Variants in C10orf105 observed in about 807,000 individuals in gnomAD.
The protein encoded by C10orf105 is uncharacterized protein C10orf105.
Under a neutral mutation model 0.6 loss-of-function variants are expected in C10orf105, and 2 were observed. The ratio of observed to expected loss-of-function variants is 3.18; its 90% CI spans 1.30 to 10.01. The LOEUF (loss-of-function observed/expected upper bound fraction) is 10.01, where lower values mean the gene tolerates loss of function less well. Among genes scored for constraint, C10orf105 ranks in the 30% most tolerant of loss-of-function variants. The pLI, the probability that C10orf105 is intolerant of heterozygous loss-of-function variation, is 0.04. For synonymous variants in C10orf105, 95 were observed against 82.4 expected, an observed-to-expected ratio of 1.15 and a Z score of -0.83; for missense variants, 209 against 191.4, an observed-to-expected ratio of 1.09 and a Z score of -0.54.
chr10:71,732,309 C>G (rs1197460691), intron 1 of C10orf105: 1 of 1,609,842 alleles, frequency 6.2e-7, no homozygotes, highest in Non-Finnish European at 8.5e-7. Flanking sequence ...TCAACCAAAT[C>G]ACGTACCGCT....
rs2132770106 is a variant in C10orf105, at chr10:71,716,096, C to G, written c.242G>C (p.Ser81Thr). The change falls in exon 2 of 2, where the codon AGC becomes ACC. Residue 81 changes from serine to threonine, a missense_variant. Ser to Thr is a moderately conservative substitution (Grantham distance 58). Coordinates refer to ENST00000441508, the MANE Select transcript of C10orf105 (RefSeq NM_001164375.3). ...GAGCCGGAGCTGGGGCTCACTGGGG[C>G]TCCCAGGGTGGTGGGGCATGCACTC... ...AHECMPHHPG[S>T]PSEPQLRLWK... 2.6e-6 allele frequency: 4 copies of G among 1,534,704 alleles called. No individual in the cohort carries two copies. The highest frequency in any genetic ancestry group is 3.5e-6 in the Non-Finnish European group (4 of 1,137,400).
At chr10:71,727,233 G>A (rs1436261104) in intron 1 of C10orf105, among the ~76,000 whole-genome samples, 5 of 152,220 alleles carry the variant, frequency 3.3e-5, no homozygotes, top group Non-Finnish European at 5.9e-5. Context: ...GTCACACAGC[G>A]GTAAGGGTGG....
chr10:71,714,662 G>A lies in C10orf105; in HGVS notation c.*1274C>T, dbSNP rs563233593. The A allele has an allele frequency of 3.0e-4, 45 of 152,378 alleles. No homozygotes were observed. Among genetic ancestry groups the A allele is most frequent in the African/African-American group, 8.2e-4 (34 of 41,580 alleles). The allele number at this position is 152,378 out of a possible 1,614,324, so 9.4% of individuals were successfully genotyped here. A position where few individuals can be genotyped will look rare whatever the true frequency, so the allele number is the denominator to read the frequency against. On this transcript the variant is annotated 3_prime_UTR_variant, in exon 2 of 2. Transcript: ENST00000441508. ...GCTCCCAGAGGGCACTGCACACTGCGCTGAGGAGCTTTGGCTATATCCATT... is the reference window on the plus strand; with the variant it reads ...GCTCCCAGAGGGCACTGCACACTGCACTGAGGAGCTTTGGCTATATCCATT...
At position 71,713,085 on chromosome 10, in the gene C10orf105, C is replaced by T. The variant is rs771949874; in HGVS notation, c.*2851G>A. ...GGCCTCCCCCTGCATATCTCCCGCC[C>T]CACCCAGAAGGGCCTTTCAGAGTAG... On this transcript the variant is annotated 3_prime_UTR_variant, in exon 2 of 2. Coordinates refer to ENST00000441508, the MANE Select transcript of C10orf105 (RefSeq NM_001164375.3). 1.3e-6 allele frequency: 1 copy of T among 758,172 alleles called. No homozygotes were observed. Among genetic ancestry groups the T allele is most frequent in the South Asian group, 1.4e-5 (1 of 71,220 alleles). 47.0% of individuals were successfully genotyped at this position (758,172 alleles called of 1,614,324 possible).
At chr10:71,737,689 C>CA in intron 1 of C10orf105, 1 of 470,006 alleles carries the variant, frequency 2.1e-6, no homozygotes, top group South Asian at 1.5e-5. Context: ...TGAGCTCCTC[C>CA]AACCCCCCTC....
rs369188108 is a variant in C10orf105 at position 71,734,251 on chromosome 10, A to G, written c.-6+3477T>C. 2.5e-6 allele frequency: 4 copies of G among 1,610,464 alleles called. No homozygotes were observed. In the African/African-American group the frequency reaches 5.3e-5, roughly 22 times the overall value. Reference sequence around the variant, plus strand: ...CCCCTTCCCTGCAGGGTGTGATCACAGTCCAGGGCCTGGTGGACCGTGAGA... The same window carrying G: ...CCCCTTCCCTGCAGGGTGTGATCACGGTCCAGGGCCTGGTGGACCGTGAGA... On this transcript the variant is annotated intron_variant, in intron 1 of 1. Transcript: ENST00000398786.
chr10:71,727,089 G>A (rs187057320), intron 1 of C10orf105, among the ~76,000 whole-genome samples: 2 of 152,300 alleles, frequency 1.3e-5, no homozygotes, highest in South Asian at 2.1e-4. Flanking sequence ...ACACGTGCCC[G>A]ATATTTTTCT....
At position 71,725,533 on chromosome 10, in the gene C10orf105, G is replaced by A. The variant is rs374933461; in HGVS notation, c.-5-9191C>T. The A allele has an allele frequency of 3.7e-6, 6 of 1,609,776 alleles. No individual in the cohort carries two copies. Among genetic ancestry groups the A allele is most frequent in the Non-Finnish European group, 5.1e-6 (6 of 1,177,844 alleles). On this transcript the variant is annotated intron_variant, in intron 1 of 1. Transcript: ENST00000398786. ...GAGCTCCGTCAGGGTGAGGCTAGGG[G>A]CGGGCTGGGGTGCTGACCTCAGGAC...
rs1866201235 is a variant in C10orf105, at chr10:71,715,964, C to T, written c.374G>A (p.Cys125Tyr). 2.7e-6 allele frequency: 4 copies of T among 1,481,548 alleles called. No homozygotes were observed. The highest frequency in any genetic ancestry group is 3.6e-6 in the Non-Finnish European group (4 of 1,116,756). 91.8% of individuals were successfully genotyped at this position (1,481,548 alleles called of 1,614,324 possible). Residue 125 changes from cysteine (C) to tyrosine (Y), a missense_variant, in exon 2 of 2, where the codon TGT (cysteine) becomes TAT (tyrosine). Physicochemically the swap from Cys to Tyr is radical, Grantham distance 194. Coordinates refer to ENST00000441508, the MANE Select transcript of C10orf105 (RefSeq NM_001164375.3). ...LPGPEDNRSHCDYMESTKM is the reference protein window; with the variant it reads ...LPGPEDNRSHYDYMESTKM ...CATCTTGGTAGATTCCATGTAGTCACAGTGGCTGCGGTTGTCCTCGGGGCC... is the reference window on the plus strand; with the variant it reads ...CATCTTGGTAGATTCCATGTAGTCATAGTGGCTGCGGTTGTCCTCGGGGCC...
chr10:71,725,057 G>A (rs1564759229), intron 1 of C10orf105, among the ~76,000 whole-genome samples: 1 of 152,224 alleles, frequency 6.6e-6, no homozygotes, highest in Non-Finnish European at 1.5e-5. Flanking sequence ...ACATCTGTGG[G>A]TGTAGGAGCA....
At chr10:71,727,939 CAG>C (rs1739836323) in intron 1 of C10orf105, among the ~76,000 whole-genome samples, 1 of 152,176 alleles carries the variant, frequency 6.6e-6, no homozygotes, top group Non-Finnish European at 1.5e-5. Flanking sequence ...CTGCTAAAAA[CAG>C]GCTGAAACCG....
intron 1 of C10orf105, among the ~76,000 whole-genome samples, chr10:71,731,031 C>T (rs533359995): frequency 6.6e-6 from 1 of 152,378 alleles, no homozygotes; most frequent in South Asian, 2.1e-4. Flanking sequence ...ACCCCCTGAC[C>T]CTGTACAAGG....
At chr10:71,732,085 G>A in intron 1 of C10orf105, 1 of 1,613,998 alleles carries the variant, frequency 6.2e-7, no homozygotes. Context: ...GAATTACCTG[G>A]ACTACGAGAC....
rs1401811891 is a variant in C10orf105, at chr10:71,716,115, T to C, written c.223A>G (p.Met75Val). The change falls in exon 2 of 2, where the codon ATG becomes GTG. Residue 75 changes from methionine (M) to valine (V), a missense_variant. Coordinates refer to ENST00000441508, the MANE Select transcript of C10orf105 (RefSeq NM_001164375.3). ...DPSRRRAHEC[M>V]PHHPGSPSEP... ...CTGGGGCTCCCAGGGTGGTGGGGCA[T>C]GCACTCGTGAGCCCTGCGGCGGCTC... 4 of 1,547,484 alleles carry C rather than the reference T, an allele frequency of 2.6e-6. No homozygotes were observed. Among genetic ancestry groups the C allele is most frequent in the South Asian group, 2.4e-5 (2 of 83,624 alleles).
intron 1 of C10orf105, among the ~76,000 whole-genome samples, chr10:71,729,146 C>T (rs779542857): frequency 3.3e-5 from 5 of 152,164 alleles, no homozygotes; most frequent in Non-Finnish European, 7.3e-5. Flanking sequence ...CCATAAACAC[C>T]TTTTAAACTG....
rs1368765703 is a variant in C10orf105 at position 71,716,206 on chromosome 10, G to T, written c.132C>A (p.Cys44Ter). The change falls in exon 2 of 2, where the codon TGC (cysteine) becomes TGA (stop). Residue 44 changes from cysteine (C) to a stop codon, truncating the protein, a stop_gained. Transcript: ENST00000441508. LOFTEE classifies it high-confidence loss of function. ...GACAGGTGGCCAGCAGGAGGAAGAT[G>T]CAGGCCAGGGCGATGAGCATGGGGA... Reference protein sequence around the residue: ...DPLPMLIALACIFLLLATCLL... With the variant: ...DPLPMLIALA The T allele has an allele frequency of 3.2e-6, 5 of 1,551,062 alleles. No homozygotes were observed. The highest frequency in any genetic ancestry group is 4.4e-6 in the Non-Finnish European group (5 of 1,146,804).
rs186699528 is a variant in C10orf105 at position 71,726,648 on chromosome 10, T to G, written c.-5-10306A>C. On this transcript the variant is annotated intron_variant, in intron 1 of 1. Coordinates refer to the C10orf105 transcript ENST00000398786. ...AGACACAGTAACCTGGACATGCACA[T>G]AGCCATGCTGGCTTGCATGACTGTG... Among the ~76,000 whole-genome samples the G allele has an allele frequency of 5.8e-4, 88 of 152,366 alleles. 2 individuals carry two copies. The highest frequency in any genetic ancestry group is 4.4e-5 in the Non-Finnish European group (3 of 68,034).
chr10:71,732,518 G>C, intron 1 of C10orf105: 3 of 1,365,022 alleles, frequency 2.2e-6, no homozygotes, highest in Non-Finnish European at 3.0e-6. Context: ...TGTAGTCCCA[G>C]CTGCTTGAGA....
chr10:71,737,773 G>C (rs1839608550), exon 1 of C10orf105: 1 of 469,606 alleles, frequency 2.1e-6, no homozygotes, highest in South Asian at 1.5e-5. Context: ...TGGACTGGAG[G>C]CCTCACCCGC....
Sources: gnomAD v4.1 joint callset for allele counts (sites outside exome capture counted in the v4.1 genomes callset) on GRCh38, gnomAD v4.1.1 for gene constraint, MANE v1.5 for transcripts, NCBI Gene and HGNC (gene_info 2026-07-23, HGNC 2026-07-21) for gene names.